WDR88: variants seen among roughly 807,000 people sequenced by gnomAD.
WDR88 encodes the protein WD repeat-containing protein 88.
Under a neutral mutation model 46.8 loss-of-function variants are expected in WDR88, and 40 were observed. The ratio of observed to expected loss-of-function variants is 0.86; its 90% CI spans 0.66 to 1.11. WDR88 has a LOEUF of 1.11. WDR88 is among the 50% of genes most tolerant of loss of function. WDR88 has a pLI of 0.00. For missense variants in WDR88, 562 were observed against 602.4 expected (o/e 0.93, Z 0.70); for synonymous variants, 235 against 240.7 (o/e 0.98, Z 0.22).
Position 33,164,375 on chromosome 19 carries a change from A to C in WDR88, c.1149+110A>C. 3.1e-6 allele frequency: 3 copies of C among 972,328 alleles called. No individual in the cohort carries two copies. The Admixed American group carries it at 5.4e-5, about 17-fold the overall frequency. 60.2% of individuals were successfully genotyped at this position (972,328 alleles called of 1,614,324 possible). On this transcript the variant is annotated intron_variant, in intron 9 of 10. Transcript: ENST00000355868. ...GGGTGGGTTCGGTGAGCTGTACCTG[A>C]CCGGGCCATCGTGTTCACGGAGCTG...
chr19:33,132,475 C>A lies in WDR88; in HGVS notation c.276+30C>A, dbSNP rs1337466554. On this transcript the variant is annotated intron_variant, in intron 1 of 10. Transcript: ENST00000355868. Reference sequence around the variant, plus strand: ...GAACCGCCGCTGGGGTGAGGGGGCACTGGCCTGTTCCCCACACGGGAGGAA... The same window carrying A: ...GAACCGCCGCTGGGGTGAGGGGGCAATGGCCTGTTCCCCACACGGGAGGAA... 3.7e-6 allele frequency: 6 copies of A among 1,606,004 alleles called. No individual in the cohort carries two copies. The South Asian group carries it at 6.6e-5, about 18-fold the overall frequency.
intron 1 of WDR88, among the ~76,000 whole-genome samples, chr19:33,134,988 TC>T (rs1392956846): frequency 8.4e-6 from 1 of 119,512 alleles, no homozygotes; most frequent in African/African-American, 2.9e-5. Flanking sequence ...CTCCAACATT[TC>T]CCCCACCCCC....
At chr19:33,156,624 G>C (rs893728543) in intron 7 of WDR88, 82 bp downstream of exon 7, 12 of 1,455,820 alleles carry the variant, frequency 8.2e-6, no homozygotes, top group Non-Finnish European at 1.1e-5. Context: ...AATGGACAGA[G>C]AGGCAATTTC....
intron 7 of WDR88, among the ~76,000 whole-genome samples, chr19:33,158,003 G>T (rs907447292): frequency 6.6e-6 from 1 of 152,036 alleles, no homozygotes; most frequent in Non-Finnish European, 1.5e-5. Flanking sequence ...GGGACTAAGA[G>T]TAGGCAAGGA....
intron 1 of WDR88, among the ~76,000 whole-genome samples, chr19:33,136,716 C>T (rs1414885161): frequency 1.3e-5 from 2 of 151,088 alleles, no homozygotes; most frequent in South Asian, 2.1e-4. Flanking sequence ...GAGCACACCA[C>T]GATGGCTGGC....
rs547957831 is a variant in WDR88, at chr19:33,144,740, T to A, written c.388-104T>A. 13 of 1,052,582 alleles carry A rather than the reference T, an allele frequency of 1.2e-5. No homozygotes were observed. The African/African-American group carries it at 1.6e-4, about 13-fold the overall frequency. The allele number at this position is 1,052,582 out of a possible 1,614,324, so 65.2% of individuals were successfully genotyped here. A position where few individuals can be genotyped will look rare whatever the true frequency, so the allele number is the denominator to read the frequency against. ...TCCCAGGACCTTGGAGTTCTCAGAT[T>A]TTGCTACCAGAGATAAGCTAAGGGC... On this transcript the variant is annotated intron_variant, in intron 2 of 10. Transcript: ENST00000355868.
intron 9 of WDR88, among the ~76,000 whole-genome samples, chr19:33,167,693 C>A (rs1261577992): frequency 6.6e-6 from 1 of 151,194 alleles, no homozygotes; most frequent in Non-Finnish European, 1.5e-5. Context: ...TCCTTCTGTC[C>A]TTTCTTTCTT....
rs115893644 is a variant in WDR88, at chr19:33,170,805, T to C, written c.1150-1543T>C. On this transcript the variant is annotated intron_variant, in intron 9 of 10. Transcript: ENST00000355868. ...GGAGCCTGCGAAGCGGAGGTTGTAG[T>C]GAGCTGAGGGCATGCCACTGCACTC... 9.2e-3 allele frequency among the ~76,000 whole-genome samples: 1,395 copies of C among 152,056 alleles called. 29 individuals are homozygous for C. Among genetic ancestry groups the C allele is most frequent in the African/African-American group, 0.031 (1,286 of 41,446 alleles).
At position 33,132,202 on chromosome 19, in the gene WDR88, C is replaced by T; in HGVS notation, c.33C>T (p.Ala11=). Reference sequence around the variant, plus strand: ...CCCCGCCGCGGTGCTCCCCGACAGCCCATGACAGGGAATGCAAGTTGCCGC... The same window carrying T: ...CCCCGCCGCGGTGCTCCCCGACAGCTCATGACAGGGAATGCAAGTTGCCGC... MASPPRCSPT[A]HDRECKLPPP... Residue 11 remains alanine, a synonymous_variant, in exon 1 of 11, where the codon GCC becomes GCT. Transcript: ENST00000355868. The T allele has an allele frequency of 6.2e-7, 1 of 1,607,340 alleles. No homozygotes were observed.
In WDR88 at chr19:33,173,754, T is replaced by C. The variant is rs540087289; in HGVS notation, c.1242+1314T>C. ...TTCACTGGCCACCTAGGGCAAGGCC[T>C]GGGAGCCTCCTCCTCTGTGAGCCCT... On this transcript the variant is annotated intron_variant, in intron 10 of 10. Coordinates refer to ENST00000355868, the MANE Select transcript of WDR88 (RefSeq NM_173479.4). 3.9e-5 allele frequency among the ~76,000 whole-genome samples: 6 copies of C among 152,370 alleles called. No homozygotes were observed. In the South Asian group the frequency reaches 1.2e-3, roughly 32 times the overall value.
intron 3 of WDR88, among the ~76,000 whole-genome samples, chr19:33,147,072 A>G (rs922635492): frequency 1.3e-5 from 2 of 149,014 alleles, no homozygotes; most frequent in African/African-American, 4.9e-5. Flanking sequence ...AAAAAAAAAA[A>G]GAGAGAGAGA....
chr19:33,168,403 G>A (rs1973988599), intron 9 of WDR88, among the ~76,000 whole-genome samples: 1 of 152,104 alleles, frequency 6.6e-6, no homozygotes, highest in South Asian at 2.1e-4. Flanking sequence ...AGCTACTAAA[G>A]CTAATAAATG....
At chr19:33,136,318 G>A (rs1299373297) in intron 1 of WDR88, among the ~76,000 whole-genome samples, 2 of 152,094 alleles carry the variant, frequency 1.3e-5, no homozygotes, top group African/African-American at 4.8e-5. Context: ...GCCTCCCAAA[G>A]TGCTGGGATT....
At chr19:33,135,968 C>A (rs1039521966) in intron 1 of WDR88, among the ~76,000 whole-genome samples, 3 of 151,834 alleles carry the variant, frequency 2.0e-5, no homozygotes, top group Non-Finnish European at 2.9e-5. Flanking sequence ...CAGCTCACTG[C>A]AGCCTCTACC....
At chr19:33,174,278 T>A in intron 10 of WDR88, 1 of 1,534,088 alleles carries the variant, frequency 6.5e-7, no homozygotes, top group South Asian at 1.2e-5. Context: ...AGGCCAGGCT[T>A]CCCCGAGGCC....
chr19:33,133,325 A>G, intron 1 of WDR88, among the ~76,000 whole-genome samples: 1 of 152,120 alleles, frequency 6.6e-6, no homozygotes, highest in Non-Finnish European at 1.5e-5. Context: ...AGATGAGCAG[A>G]TCACTTGAGG....
rs892255611 is a variant in WDR88, at chr19:33,164,255, C to T, written c.1139C>T (p.Ser380Phe). Residue 380 changes from serine to phenylalanine, a missense_variant, in exon 9 of 11, where the codon TCT becomes TTT. Physicochemically the swap from Ser to Phe is radical, Grantham distance 155. Transcript: ENST00000355868. ...AISNNKKWIL[S>F]ASKDRTMRLW... Reference sequence around the variant, plus strand: ...AGCAACAACAAGAAATGGATCCTGTCTGCTTCCAAGGTAAAAGTGGTCAAG... The same window carrying T: ...AGCAACAACAAGAAATGGATCCTGTTTGCTTCCAAGGTAAAAGTGGTCAAG... 3 of 1,613,842 alleles carry T rather than the reference C, an allele frequency of 1.9e-6. No homozygotes were observed. The African/African-American group carries it at 4.0e-5, about 22-fold the overall frequency.
intron 10 of WDR88, chr19:33,174,650 G>C: frequency 1.0e-6 from 1 of 985,396 alleles, no homozygotes; most frequent in South Asian, 4.7e-5. Context: ...GCCTACTTGC[G>C]TCTCATGGTT....
chr19:33,144,814 C>T (rs773980516), intron 2 of WDR88, 30 bp from the exon 3 acceptor site: 61 of 1,603,934 alleles, frequency 3.8e-5, no homozygotes, highest in Non-Finnish European at 5.0e-5. Context: ...AGTGACCACT[C>T]TCTTCTCCTC....
Sources: allele counts gnomAD v4.1 joint callset (sites outside exome capture counted in the v4.1 genomes callset), GRCh38; gene constraint gnomAD v4.1.1; transcripts MANE v1.5; gene names NCBI Gene and HGNC (gene_info 2026-07-23, HGNC 2026-07-21).